OTOG: variants seen among roughly 807,000 people sequenced by gnomAD.
OTOG encodes otogelin.
Under a neutral mutation model 313.8 loss-of-function variants are expected in OTOG, and 296 were observed. The ratio of observed to expected loss-of-function variants is 0.94; its 90% CI spans 0.86 to 1.04. The LOEUF (loss-of-function observed/expected upper bound fraction) is 1.04. Among genes scored for constraint, OTOG ranks in the 50% least tolerant of loss-of-function variants. The probability of loss-of-function intolerance (pLI) is 0.00; values close to 1 mark genes in which losing one functional copy is unlikely to be tolerated. For synonymous variants in OTOG, 1,533 were observed against 1,554.9 expected (o/e 0.99, Z 0.33); for missense variants, 3,948 against 3,840.1 (o/e 1.03, Z -0.74).
At chr11:17,558,090 C>T (rs1428530630) in intron 8 of OTOG, 95 bp from the exon 9 acceptor site, 3 of 1,431,562 alleles carry the variant, frequency 2.1e-6, no homozygotes, top group East Asian at 2.5e-5. Flanking sequence ...ACTCCTTACC[C>T]ATCCCTTGGG....
At chr11:17,632,864 GAA>G (rs1368519123) in intron 42 of OTOG, among the ~76,000 whole-genome samples, 2 of 152,158 alleles carry the variant, frequency 1.3e-5, no homozygotes, top group African/African-American at 4.8e-5. Context: ...AGTAAAAGAG[GAA>G]AAGACAAAAG....
At chr11:17,564,227 C>T (rs752575894) in intron 15 of OTOG, among the ~76,000 whole-genome samples, 29 of 152,224 alleles carry the variant, frequency 1.9e-4, no homozygotes, top group Non-Finnish European at 3.2e-4. Flanking sequence ...ATCCTATCTT[C>T]AGGCTCTTGT....
chr11:17,635,788 G>T, intron 47 of OTOG, 77 bp downstream of exon 47: 1 of 1,227,634 alleles, frequency 8.1e-7, no homozygotes, highest in Non-Finnish European at 1.2e-6. Context: ...GACCAATGGG[G>T]GTTGACAGGG....
chr11:17,599,756 G>A, intron 31 of OTOG, 59 bp downstream of exon 31: 2 of 1,525,932 alleles, frequency 1.3e-6, no homozygotes. Flanking sequence ...GCCCTGTCCT[G>A]ACGCCACACA....
At chr11:17,586,698 G>A in intron 24 of OTOG, 117 bp downstream of exon 24, 1 of 507,148 alleles carries the variant, frequency 2.0e-6, no homozygotes, top group Admixed American at 4.4e-5. Context: ...TTCATGTTGT[G>A]CGTTTGTGTG....
chr11:17,643,349 A>G (rs1848011548), intron 53 of OTOG, 112 bp from the exon 54 acceptor site: 3 of 685,788 alleles, frequency 4.4e-6, no homozygotes, highest in African/African-American at 1.9e-5. Flanking sequence ...CTGGGGCATC[A>G]CGGGGAGAGA....
intron 28 of OTOG, among the ~76,000 whole-genome samples, chr11:17,595,632 C>T (rs1853077855): frequency 6.6e-6 from 1 of 152,184 alleles, no homozygotes; most frequent in Non-Finnish European, 1.5e-5. Flanking sequence ...CAGCTCCTTG[C>T]AACTGTAGGG....
intron 3 of OTOG, among the ~76,000 whole-genome samples, chr11:17,551,199 G>A (rs1851923088): frequency 6.6e-6 from 1 of 152,186 alleles, no homozygotes; most frequent in Non-Finnish European, 1.5e-5. Context: ...TAAGGGAGGA[G>A]GAGCCAACTG....
At chr11:17,624,763 C>T (rs1256889630) in intron 39 of OTOG, among the ~76,000 whole-genome samples, 1 of 152,030 alleles carries the variant, frequency 6.6e-6, no homozygotes, top group Non-Finnish European at 1.5e-5. Context: ...GCCATTTTAA[C>T]AATATTGATT....
chr11:17,571,487 C>A (rs1047328647), intron 17 of OTOG, among the ~76,000 whole-genome samples: 3 of 152,204 alleles, frequency 2.0e-5, no homozygotes. Flanking sequence ...ACATGCTCAT[C>A]CCCCTTCCTC....
intron 23 of OTOG, among the ~76,000 whole-genome samples, chr11:17,585,374 G>GTAATTTGAGTATTCCTGTCCC (rs1852768509): frequency 6.6e-6 from 1 of 152,080 alleles, no homozygotes; most frequent in African/African-American, 2.4e-5. Flanking sequence ...CCAGATATTG[G>GTAATTTGAGTATTCCTGTCCC]TAATTTGAGT....
intron 49 of OTOG, among the ~76,000 whole-genome samples, chr11:17,639,869 G>GTGGTGGTGGTGGTGATGGTGAGGA (rs1847932616): frequency 6.9e-5 from 9 of 130,062 alleles, no homozygotes; most frequent in African/African-American, 2.5e-4. Context: ...TAATGCAATG[G>GTGGTGGTGGTGGTGATGGTGAGGA]TGATGGTGGT....
rs1249780108 is a variant in OTOG, at chr11:17,605,967, C to G, written c.3988C>G (p.Gln1330Glu). The G allele has an allele frequency of 3.9e-6, 6 of 1,550,526 alleles. No individual in the cohort carries two copies. Among genetic ancestry groups the G allele is most frequent in the Non-Finnish European group, 4.4e-6 (5 of 1,147,008 alleles). The part of the protein sequence containing the change: ...AKWQGRDTFQ[Q>E]HASFLLHRGT... Reference sequence around the variant, plus strand: ...GTGGCAGGGCCGTGACACCTTCCAACAGCATGCCTCCTTCTTGCTGCACCG... The same window carrying G: ...GTGGCAGGGCCGTGACACCTTCCAAGAGCATGCCTCCTTCTTGCTGCACCG... The change falls in exon 33 of 56, where the codon CAG becomes GAG. Residue 1330 changes from glutamine (Q) to glutamate (E), a missense_variant. Physicochemically the swap from Gln to Glu is conservative, Grantham distance 29. Transcript: ENST00000399397.
intron 15 of OTOG, among the ~76,000 whole-genome samples, chr11:17,563,201 C>T (rs1852226036): frequency 6.6e-6 from 1 of 152,188 alleles, no homozygotes; most frequent in African/African-American, 2.4e-5. Context: ...CTCCGTTGTC[C>T]CTGGGTTGAT....
intron 19 of OTOG, among the ~76,000 whole-genome samples, chr11:17,573,587 C>T (rs1852454205): frequency 6.6e-6 from 1 of 152,218 alleles, no homozygotes; most frequent in Non-Finnish European, 1.5e-5. Flanking sequence ...CTTACCACCT[C>T]CGCCACCCTA....
Position 17,561,067 on chromosome 11 carries a change from G to T in OTOG, c.1452-24G>T, listed in dbSNP as rs769181702. 28 of 1,550,412 alleles carry T rather than the reference G, an allele frequency of 1.8e-5. No homozygotes were observed. The African/African-American group carries it at 3.8e-4, about 21-fold the overall frequency. On this transcript the variant is annotated intron_variant, in intron 13 of 55. Transcript: ENST00000399397. ...CTCAGGCCTGGAGGGGTGACCTCTTGCCTCCTTGGTCTCTGTGTTTTAGCA... is the reference window on the plus strand; with the variant it reads ...CTCAGGCCTGGAGGGGTGACCTCTTTCCTCCTTGGTCTCTGTGTTTTAGCA...
chr11:17,551,129 C>G (rs1225920388), intron 3 of OTOG, among the ~76,000 whole-genome samples: 1 of 152,222 alleles, frequency 6.6e-6, no homozygotes, highest in African/African-American at 2.4e-5. Context: ...TTCACTGCAT[C>G]CAGCACAATG....
chr11:17,639,380 G>A (rs1312883347), intron 48 of OTOG, 43 bp from the exon 49 acceptor site: 3 of 1,549,088 alleles, frequency 1.9e-6, no homozygotes, highest in Non-Finnish European at 2.6e-6. Context: ...TTCCTACCTG[G>A]ACATCCCTGA....
intron 39 of OTOG, among the ~76,000 whole-genome samples, chr11:17,621,388 A>G (rs930556004): frequency 1.3e-5 from 2 of 152,100 alleles, no homozygotes; most frequent in East Asian, 1.9e-4. Flanking sequence ...CCTTCTGCAT[A>G]CCCTACCCTA....
Sources: gnomAD v4.1 joint callset for allele counts (sites outside exome capture counted in the v4.1 genomes callset) on GRCh38, gnomAD v4.1.1 for gene constraint, MANE v1.5 for transcripts, NCBI Gene and HGNC (gene_info 2026-07-23, HGNC 2026-07-21) for gene names.